The following ZDHHC11B variants were observed in gnomAD, a reference collection of about 807,000 sequenced individuals.
ZDHHC11B encodes the protein probable palmitoyltransferase ZDHHC11B.
ZDHHC11B carries 17 observed loss-of-function variants against 42.3 expected under a neutral mutation model. That is an observed-to-expected ratio of 0.40 (90% CI 0.27 to 0.60). The LOEUF is 0.60. Ranked by LOEUF, ZDHHC11B falls within the 20% of genes least tolerant of loss-of-function variation. The probability of loss-of-function intolerance (pLI) is 0.41; values close to 1 mark genes in which losing one functional copy is unlikely to be tolerated. For synonymous variants in ZDHHC11B, 123 were observed against 193.5 expected (o/e 0.64, Z 3.02); for missense variants, 262 against 463.2 (o/e 0.57, Z 3.99).
rs1394676826 is a variant in ZDHHC11B at position 766,678 on chromosome 5, T to G, written c.222+20A>C. On this transcript the variant is annotated intron_variant, in intron 4 of 13. Transcript: ENST00000508859. Reference sequence around the variant, plus strand: ...CCAGGAACCCCTCCCGCTTAGACCATGCCACGATGAAAAGGATACCACATA... The same window carrying G: ...CCAGGAACCCCTCCCGCTTAGACCAGGCCACGATGAAAAGGATACCACATA... The G allele has an allele frequency of 1.3e-6, 2 of 1,593,768 alleles. No homozygotes were observed. Among genetic ancestry groups the G allele is most frequent in the Admixed American group, 3.5e-5 (2 of 56,926 alleles).
intron 1 of ZDHHC11B, among the ~76,000 whole-genome samples, chr5:783,813 C>A (rs1737046587): frequency 9.0e-6 from 1 of 111,136 alleles, no homozygotes; most frequent in Non-Finnish European, 1.7e-5. Context: ...CCCCTAAACC[C>A]CATCAAAACA....
intron 12 of ZDHHC11B, among the ~76,000 whole-genome samples, chr5:729,012 C>CAAAAAAAAAAAAAAAA (rs751272226): frequency 2.2e-5 from 3 of 134,888 alleles, no homozygotes; most frequent in African/African-American, 5.4e-5. Flanking sequence ...GACCCTGTCT[C>CAAAAAAAAAAAAAAAA]AAAAAAAAAA....
chr5:774,768 C>T (rs28641955), intron 1 of ZDHHC11B, among the ~76,000 whole-genome samples: 71 of 34,912 alleles, frequency 2.0e-3, no homozygotes, highest in East Asian at 0.014. Flanking sequence ...CTGTCACTAG[C>T]GCCAGGGGTC....
chr5:712,483 C>T (rs1428769253), intron 13 of ZDHHC11B, among the ~76,000 whole-genome samples: 5 of 135,762 alleles, frequency 3.7e-5, no homozygotes. Flanking sequence ...CCGAGCCAGG[C>T]TCCTGCCCTC....
chr5:780,688 C>T (rs1425698628), intron 1 of ZDHHC11B, among the ~76,000 whole-genome samples: 15 of 146,842 alleles, frequency 1.0e-4, no homozygotes, highest in Admixed American at 2.7e-4. Context: ...GCCCTCCCAG[C>T]AGGCGGCCTG....
chr5:769,605 G>C (rs57145013), intron 1 of ZDHHC11B, among the ~76,000 whole-genome samples: 7,111 of 148,794 alleles, frequency 0.048, 157 homozygotes, highest in East Asian at 0.13. Context: ...TTCCTCACGC[G>C]AGCCCGCGAG....
chr5:718,557 G>A (rs1741946185), intron 12 of ZDHHC11B, among the ~76,000 whole-genome samples: 1 of 151,660 alleles, frequency 6.6e-6, no homozygotes, highest in Middle Eastern at 3.4e-3. Flanking sequence ...AAAGCTGAAT[G>A]TGGTGGTGAG....
intron 4 of ZDHHC11B, among the ~76,000 whole-genome samples, chr5:765,797 A>G (rs968887289): frequency 1.3e-5 from 2 of 151,920 alleles, no homozygotes; most frequent in African/African-American, 4.8e-5. Context: ...AAACATCAGA[A>G]GGAACAAACT....
chr5:741,943 A>G (rs1431587320), intron 9 of ZDHHC11B, among the ~76,000 whole-genome samples: 1 of 124,300 alleles, frequency 8.0e-6, no homozygotes, highest in African/African-American at 2.9e-5. Context: ...TTTCTCTACA[A>G]CTTCACCAGC....
intron 4 of ZDHHC11B, among the ~76,000 whole-genome samples, chr5:761,675 G>A (rs1239651556): frequency 1.1e-4 from 17 of 151,908 alleles, no homozygotes; most frequent in African/African-American, 4.1e-4. Flanking sequence ...CCCCACATGT[G>A]TGTCCAGGCC....
intron 12 of ZDHHC11B, among the ~76,000 whole-genome samples, chr5:719,780 T>C (rs1303371678): frequency 2.6e-5 from 4 of 151,706 alleles, no homozygotes; most frequent in African/African-American, 9.7e-5. Context: ...TTATCAGCAG[T>C]TGTGTTTTCT....
At chr5:776,459 G>T (rs377001383) in intron 1 of ZDHHC11B, among the ~76,000 whole-genome samples, 18 of 151,892 alleles carry the variant, frequency 1.2e-4, no homozygotes, top group Non-Finnish European at 7.4e-5. Flanking sequence ...AAGGGAGACC[G>T]GGTAGGCCCC....
Position 749,358 on chromosome 5 carries a change from C to G in ZDHHC11B, c.629-799G>C, listed in dbSNP as rs1225922842. 3.1e-5 allele frequency among the ~76,000 whole-genome samples: 4 copies of G among 129,424 alleles called. No homozygotes were observed. In the East Asian group the frequency reaches 1.7e-3, roughly 54 times the overall value. The allele number at this position is 129,424 out of a possible 152,430, so 84.9% of individuals were successfully genotyped here. A position where few individuals can be genotyped will look rare whatever the true frequency, so the allele number is the denominator to read the frequency against. ...TAATGCAGAATGGCAGAGGGCCAGG[C>G]AAGGCAGAATGGCAGAGGGTCGGGC... On this transcript the variant is annotated intron_variant, in intron 7 of 13. Transcript: ENST00000508859.
chr5:733,703 C>T (rs778999352), intron 11 of ZDHHC11B, 49 bp downstream of exon 11: 1 of 1,540,626 alleles, frequency 6.5e-7, no homozygotes, highest in Non-Finnish European at 8.9e-7. Context: ...ACCACATATT[C>T]TGCACACGGC....
At chr5:732,731 CA>C in intron 11 of ZDHHC11B, 1 of 413,832 alleles carries the variant, frequency 2.4e-6, no homozygotes. Flanking sequence ...AAATCCTGCT[CA>C]AAAGGACCAG....
Position 766,060 on chromosome 5 carries a change from G to A in ZDHHC11B, c.222+638C>T, listed in dbSNP as rs770380870. 5.9e-5 allele frequency among the ~76,000 whole-genome samples: 9 copies of A among 151,866 alleles called. 1 individual carries two copies. Among genetic ancestry groups the A allele is most frequent in the Non-Finnish European group, 8.8e-5 (6 of 67,920 alleles). On this transcript the variant is annotated intron_variant, in intron 4 of 13. Transcript: ENST00000508859. ...CATCCATGTCTCAGTGACCCTAGGG[G>A]GCCTGGGGTTTCTCAACTGAATGCC... is the stretch of plus-strand genomic sequence containing the variant.
chr5:766,541 G>T (rs1735406237), intron 4 of ZDHHC11B, among the ~76,000 whole-genome samples, 157 bp downstream of exon 4: 1 of 151,876 alleles, frequency 6.6e-6, no homozygotes, highest in African/African-American at 2.4e-5. Flanking sequence ...AGCACGAATG[G>T]CCACTGGGCC....
chr5:784,411 C>T (rs142337249), intron 1 of ZDHHC11B, among the ~76,000 whole-genome samples: 15,932 of 137,132 alleles, frequency 0.12, 478 homozygotes, highest in East Asian at 0.21. Flanking sequence ...CTGTCCCTGG[C>T]GCGGCCGACG....
chr5:757,787 C>G (rs1734064130), intron 4 of ZDHHC11B, among the ~76,000 whole-genome samples: 1 of 151,788 alleles, frequency 6.6e-6, no homozygotes, highest in Non-Finnish European at 1.5e-5. Flanking sequence ...GATCTGGATG[C>G]CAAGGGGATG....
Sources: gnomAD v4.1 joint callset for allele counts (sites outside exome capture counted in the v4.1 genomes callset) on GRCh38, gnomAD v4.1.1 for gene constraint, MANE v1.5 for transcripts, NCBI Gene and HGNC (gene_info 2026-07-23, HGNC 2026-07-21) for gene names.